Variants in SLC1A6 observed in about 807,000 individuals in gnomAD.
SLC1A6 encodes the protein excitatory amino acid transporter 4.
A neutral mutation model predicts 42.1 loss-of-function variants in SLC1A6; 15 were observed. That is an observed-to-expected ratio of 0.36 (90% CI 0.24 to 0.55). The LOEUF is 0.55. Ranked by LOEUF, SLC1A6 falls within the 20% of genes least tolerant of loss-of-function variation. SLC1A6 has a pLI of 0.88. For synonymous variants in SLC1A6, 317 were observed against 319.7 expected (o/e 0.99, Z 0.09); for missense variants, 542 against 772.5 (o/e 0.70, Z 3.54).
intron 4 of SLC1A6, among the ~76,000 whole-genome samples, chr19:14,965,298 C>T (rs1193946408): frequency 6.6e-6 from 1 of 152,066 alleles, no homozygotes; most frequent in Non-Finnish European, 1.5e-5. Flanking sequence ...GGACTACAGG[C>T]GTGAGCCACT....
chr19:14,970,433 C>T (rs1408676308), intron 3 of SLC1A6, among the ~76,000 whole-genome samples: 3 of 152,058 alleles, frequency 2.0e-5, no homozygotes, highest in Admixed American at 6.6e-5. Context: ...GTATAATGGC[C>T]GGGCGGGGTG....
At chr19:14,993,319 G>C (rs758132320) in intron 1 of SLC1A6, among the ~76,000 whole-genome samples, 17 of 152,094 alleles carry the variant, frequency 1.1e-4, no homozygotes, top group Non-Finnish European at 2.5e-4. Flanking sequence ...ATGATGGGTA[G>C]AGGGTTTCCT....
At chr19:15,001,583 T>C (rs914496274) in intron 1 of SLC1A6, among the ~76,000 whole-genome samples, 11 of 152,262 alleles carry the variant, frequency 7.2e-5, no homozygotes, top group African/African-American at 2.6e-4. Context: ...TAGATTCTGG[T>C]AAGGAACTTG....
intron 5 of SLC1A6, 61 bp from the exon 6 acceptor site, chr19:14,962,406 G>A (rs1345500025): frequency 8.0e-7 from 1 of 1,252,022 alleles, no homozygotes. Flanking sequence ...ATCGCCTGGA[G>A]AAATTCCTTG....
chr19:14,972,250 A>T (rs1334130147), intron 2 of SLC1A6, among the ~76,000 whole-genome samples: 1 of 152,208 alleles, frequency 6.6e-6, no homozygotes, highest in Non-Finnish European at 1.5e-5. Context: ...ATTTGTGTGT[A>T]TCTTACTATT....
intron 1 of SLC1A6, among the ~76,000 whole-genome samples, chr19:14,976,467 C>T (rs139179725): frequency 1.1e-3 from 164 of 152,272 alleles, no homozygotes; most frequent in African/African-American, 3.8e-3. Context: ...TCTTTTACAG[C>T]AACACACATA....
At chr19:15,007,953 A>G (rs28540388) in intron 1 of SLC1A6, among the ~76,000 whole-genome samples, 5,259 of 151,998 alleles carry the variant, frequency 0.035, 112 homozygotes, top group African/African-American at 0.054. Context: ...TGAACCCAGG[A>G]AGCAGAGGTT....
At chr19:14,967,381 C>T (rs1461684284) in intron 4 of SLC1A6, among the ~76,000 whole-genome samples, 2 of 152,168 alleles carry the variant, frequency 1.3e-5, no homozygotes, top group Admixed American at 1.3e-4. Context: ...CCACCACCAC[C>T]ACCAACAGCT....
intron 1 of SLC1A6, among the ~76,000 whole-genome samples, chr19:15,004,714 G>A (rs1281910945): frequency 1.4e-5 from 2 of 146,100 alleles, no homozygotes; most frequent in African/African-American, 5.0e-5. Flanking sequence ...AAAAAAAAAA[G>A]ATTCTTATTC....
intron 1 of SLC1A6, among the ~76,000 whole-genome samples, chr19:14,992,847 C>G (rs979751317): frequency 6.6e-6 from 1 of 152,120 alleles, no homozygotes; most frequent in Non-Finnish European, 1.5e-5. Flanking sequence ...AGCTTGAACA[C>G]GAGCTGAGCC....
At chr19:14,962,992 T>C (rs2145182342) in intron 5 of SLC1A6, among the ~76,000 whole-genome samples, 1 of 152,342 alleles carries the variant, frequency 6.6e-6, no homozygotes, top group Admixed American at 6.5e-5. Context: ...CTCAAAGAGA[T>C]ATCTGCTCTC....
intron 1 of SLC1A6, among the ~76,000 whole-genome samples, chr19:14,986,941 G>T (rs1343690617): frequency 6.6e-6 from 1 of 152,134 alleles, no homozygotes; most frequent in Non-Finnish European, 1.5e-5. Flanking sequence ...GTACAGTTTG[G>T]TGCTGCTGCG....
Position 14,979,502 on chromosome 19 carries a change from T to C in SLC1A6, c.-201A>G, listed in dbSNP as rs7259656. The C allele has an allele frequency of 0.35, 53,242 of 150,934 alleles. 9,732 individuals are homozygous for C. The highest frequency in any genetic ancestry group is 0.43 in the African/African-American group (17,825 of 41,204). 9.3% of individuals were successfully genotyped at this position (150,934 alleles called of 1,614,324 possible). A position where few individuals can be genotyped will look rare whatever the true frequency, so the allele number is the denominator to read the frequency against. ...CGAGTCCCCGCGCCGAGCCGCGGAG[T>C]CCCCACTCACCGGCGTCCGGAGCGG... On this transcript the variant is annotated 5_prime_UTR_variant, in exon 1 of 10. Coordinates refer to ENST00000594383, the MANE Select transcript of SLC1A6 (RefSeq NM_005071.3). This position sits in a 1 kb window ranked among gnomAD's most constrained non-coding sequence, Gnocchi z 4.2.
intron 1 of SLC1A6, among the ~76,000 whole-genome samples, chr19:15,005,693 G>A (rs571990702): frequency 9.2e-5 from 14 of 152,282 alleles, no homozygotes; most frequent in African/African-American, 2.9e-4. Flanking sequence ...TTAAGCAATG[G>A]TCTGCACCAA....
At chr19:14,987,566 GT>G (rs1195599464) in intron 1 of SLC1A6, among the ~76,000 whole-genome samples, 1 of 152,156 alleles carries the variant, frequency 6.6e-6, no homozygotes, top group African/African-American at 2.4e-5. Context: ...TAAGCAGTTA[GT>G]GAATGTCCGA....
chr19:15,003,713 G>A (rs1381085636), intron 1 of SLC1A6, among the ~76,000 whole-genome samples: 4 of 150,592 alleles, frequency 2.7e-5, no homozygotes, highest in Non-Finnish European at 4.4e-5. Flanking sequence ...AGTTTTAGAA[G>A]GTGCTCCTTC....
Position 14,950,120 on chromosome 19 carries a change from G to A in SLC1A6, c.*75C>T. 1 of 1,131,542 alleles carries A rather than the reference G, an allele frequency of 8.8e-7. No individual in the cohort carries two copies. The highest frequency in any genetic ancestry group is 1.8e-5 in the South Asian group (1 of 54,164). 70.1% of individuals were successfully genotyped at this position (1,131,542 alleles called of 1,614,324 possible). On this transcript the variant is annotated 3_prime_UTR_variant, in exon 10 of 10. Transcript: ENST00000594383. The stretch of plus-strand genomic sequence containing the variant: ...GTGTGTTCAGCCCACGGTCAGTTGG[G>A]CAACAGATGTGTCACCAGGACTCCC...
At chr19:15,010,571 G>C in exon 1 of SLC1A6, 1 of 656,614 alleles carries the variant, frequency 1.5e-6, no homozygotes, top group Non-Finnish European at 2.8e-6. Context: ...TGGAAGCAAC[G>C]GCGAGAAGGA....
intron 1 of SLC1A6, among the ~76,000 whole-genome samples, chr19:14,997,152 A>G (rs1211271035): frequency 6.6e-6 from 1 of 152,178 alleles, no homozygotes; most frequent in Admixed American, 6.5e-5. Flanking sequence ...CCCTCTGCTC[A>G]CTGAGATAAA....
Sources: allele counts gnomAD v4.1 joint callset (sites outside exome capture counted in the v4.1 genomes callset), GRCh38; gene constraint gnomAD v4.1.1; non-coding constraint Gnocchi (gnomAD v3.1); transcripts MANE v1.5; gene names NCBI Gene and HGNC (gene_info 2026-07-23, HGNC 2026-07-21).